WWOX: variants seen among roughly 807,000 people sequenced by gnomAD.
WWOX encodes the protein WW domain-containing oxidoreductase.
Under a neutral mutation model 46.2 loss-of-function variants are expected in WWOX, and 69 were observed. The ratio of observed to expected loss-of-function variants is 1.49; its 90% confidence interval spans 1.23 to 1.82. WWOX has a LOEUF of 1.82. Among genes scored for constraint, WWOX ranks in the 40% most tolerant of loss-of-function variants. The pLI, the probability that WWOX is intolerant of heterozygous loss-of-function variation, is 0.00. For synonymous variants in WWOX, 359 were observed against 202.6 expected (o/e 1.77, Z -6.56); for missense variants, 919 against 542.6 (o/e 1.69, Z -6.89).
intron 5 of WWOX, among the ~76,000 whole-genome samples, chr16:78,324,101 G>C (rs946134495): frequency 1.3e-5 from 2 of 152,014 alleles, no homozygotes; most frequent in African/African-American, 2.4e-5. Context: ...GCTTGAAGTG[G>C]CAAGGATGGG....
chr16:78,481,612 C>T (rs1329722829), intron 8 of WWOX, among the ~76,000 whole-genome samples: 1 of 148,976 alleles, frequency 6.7e-6, no homozygotes, highest in Admixed American at 6.7e-5. Flanking sequence ...ACGTGGTACA[C>T]TGAGCCTAGT....
chr16:78,122,715 C>T (rs2033159188), intron 4 of WWOX, among the ~76,000 whole-genome samples: 1 of 151,874 alleles, frequency 6.6e-6, no homozygotes, highest in East Asian at 1.9e-4. Context: ...AGTGATTCTC[C>T]TGCCTCAGCC....
At chr16:78,991,907 T>C (rs977474851) in intron 8 of WWOX, among the ~76,000 whole-genome samples, 1 of 152,084 alleles carries the variant, frequency 6.6e-6, no homozygotes, top group African/African-American at 2.4e-5. Flanking sequence ...GTTCCTTTGT[T>C]CCCGCCTAAC....
At chr16:79,018,930 C>G (rs767271141) in intron 8 of WWOX, among the ~76,000 whole-genome samples, 1 of 151,844 alleles carries the variant, frequency 6.6e-6, no homozygotes, top group African/African-American at 2.4e-5. Context: ...GTGGGCGGAT[C>G]GCTTGAGCTC....
intron 4 of WWOX, among the ~76,000 whole-genome samples, chr16:78,129,427 G>C (rs2033500458): frequency 2.0e-5 from 3 of 152,168 alleles, no homozygotes; most frequent in Admixed American, 2.0e-4. Flanking sequence ...TCATAACACA[G>C]TGTTAAGTAT....
intron 8 of WWOX, among the ~76,000 whole-genome samples, chr16:78,747,656 T>A (rs971194263): frequency 6.6e-6 from 1 of 152,166 alleles, no homozygotes; most frequent in Non-Finnish European, 1.5e-5. Context: ...TCTTTTCTTT[T>A]GAGCACTTAC....
At chr16:78,989,883 G>A (rs1189212793) in intron 8 of WWOX, among the ~76,000 whole-genome samples, 1 of 149,110 alleles carries the variant, frequency 6.7e-6, no homozygotes, top group African/African-American at 2.5e-5. Flanking sequence ...ACAGATGGAG[G>A]GAAAGAGAGG....
At chr16:78,540,385 C>T (rs746703346) in intron 8 of WWOX, among the ~76,000 whole-genome samples, 10 of 152,080 alleles carry the variant, frequency 6.6e-5, no homozygotes, top group South Asian at 2.1e-4. Flanking sequence ...GGATTTTTCC[C>T]CTTGCATGTT....
At chr16:78,444,474 T>C (rs1225504815) in intron 8 of WWOX, among the ~76,000 whole-genome samples, 1 of 151,588 alleles carries the variant, frequency 6.6e-6, no homozygotes, top group Admixed American at 6.6e-5. Context: ...ATTAAGAGAA[T>C]GGATATTTTC....
chr16:78,294,959 A>G (rs1043497190), intron 5 of WWOX, among the ~76,000 whole-genome samples: 2 of 152,176 alleles, frequency 1.3e-5, no homozygotes, highest in Admixed American at 6.5e-5. Context: ...TTTGTTTTCT[A>G]TTTGGATTTC....
chr16:78,448,274 C>T (rs771761906), intron 8 of WWOX, among the ~76,000 whole-genome samples: 8 of 151,852 alleles, frequency 5.3e-5, no homozygotes, highest in Non-Finnish European at 1.2e-4. Flanking sequence ...TTCCTCAAGA[C>T]GAGCAAAAAA....
chr16:78,391,002 A>G (rs113745841), intron 6 of WWOX, among the ~76,000 whole-genome samples: 8 of 152,124 alleles, frequency 5.3e-5, no homozygotes, highest in African/African-American at 1.9e-4. Flanking sequence ...CTCCATCTCA[A>G]GTGTTTCTCC....
chr16:78,113,017 A>G (rs952311831), intron 3 of WWOX, among the ~76,000 whole-genome samples: 2 of 152,080 alleles, frequency 1.3e-5, no homozygotes, highest in Non-Finnish European at 2.9e-5. Flanking sequence ...AATTTCTTAA[A>G]TTTTTTATGT....
chr16:78,739,452 A>T (rs192926598), intron 8 of WWOX, among the ~76,000 whole-genome samples: 91 of 152,252 alleles, frequency 6.0e-4, no homozygotes, highest in African/African-American at 2.1e-3. Context: ...TCCAAGCTCT[A>T]GGAAAGGGTT....
chr16:78,970,118 C>G (rs1026623661), intron 8 of WWOX, among the ~76,000 whole-genome samples: 3 of 152,174 alleles, frequency 2.0e-5, no homozygotes, highest in African/African-American at 4.8e-5. Flanking sequence ...CGACAGGAAC[C>G]CAGATGTGGC....
At chr16:78,684,254 C>A (rs1337692787) in intron 8 of WWOX, among the ~76,000 whole-genome samples, 1 of 152,202 alleles carries the variant, frequency 6.6e-6, no homozygotes, top group Non-Finnish European at 1.5e-5. Flanking sequence ...TTGCCCTTGG[C>A]TCATGTATGA....
rs1370252044 is a variant in WWOX at position 78,122,449 on chromosome 16, G to A, written c.409+7295G>A. ...CCCATAATTAAAAAAATTAATAATA[G>A]ATTTTTGTTCTACTTGAGGTTTTGT... On this transcript the variant is annotated intron_variant, in intron 4 of 8. Transcript: ENST00000566780. Among the ~76,000 whole-genome samples the A allele has an allele frequency of 2.0e-5, 3 of 152,044 alleles. No homozygotes were observed. In the East Asian group the frequency reaches 5.8e-4, roughly 29 times the overall value.
At chr16:78,840,834 T>A (rs529946023) in intron 8 of WWOX, among the ~76,000 whole-genome samples, 9 of 152,244 alleles carry the variant, frequency 5.9e-5, no homozygotes, top group Admixed American at 5.2e-4. Context: ...GTGTTTCTTA[T>A]AAATTGGTAA....
intron 8 of WWOX, among the ~76,000 whole-genome samples, chr16:78,935,400 T>C (rs1237978165): frequency 1.3e-5 from 2 of 152,088 alleles, no homozygotes; most frequent in East Asian, 1.9e-4. Flanking sequence ...GTGGCACATA[T>C]ACACCATGGA....
Sources: gnomAD v4.1 joint callset for allele counts (sites outside exome capture counted in the v4.1 genomes callset) on GRCh38, gnomAD v4.1.1 for gene constraint, MANE v1.5 for transcripts, NCBI Gene and HGNC (gene_info 2026-07-23, HGNC 2026-07-21) for gene names.